The following INPP5A variants were observed in gnomAD, a reference collection of about 807,000 sequenced individuals.
The protein encoded by INPP5A is inositol polyphosphate-5-phosphatase A.
Under a neutral mutation model 65.2 loss-of-function variants are expected in INPP5A, and 14 were observed. That is an observed-to-expected ratio of 0.21 (90% confidence interval 0.14 to 0.34). INPP5A has a LOEUF of 0.34. Among genes scored for constraint, INPP5A ranks in the 10% least tolerant of loss-of-function variants. The pLI is 1.00. For missense variants in INPP5A, 431 were observed against 545.6 expected, an observed-to-expected ratio of 0.79 and a Z score of 2.09; for synonymous variants, 207 against 208.3, an observed-to-expected ratio of 0.99 and a Z score of 0.05.
chr10:132,571,409 G>A lies in INPP5A; in HGVS notation c.75+33238G>A, dbSNP rs995991021. 3.3e-5 allele frequency among the ~76,000 whole-genome samples: 5 copies of A among 152,350 alleles called. No homozygotes were observed. In the Middle Eastern group the frequency reaches 0.01, roughly 311 times the overall value. On this transcript the variant is annotated intron_variant, in intron 1 of 15. Transcript: ENST00000368594. Reference sequence around the variant, plus strand: ...CTGGGCCTTGTCCTCCCCAGCTGCGGGGAAGGGCTTCTTTCAGTTCCCTTT... The same window carrying A: ...CTGGGCCTTGTCCTCCCCAGCTGCGAGGAAGGGCTTCTTTCAGTTCCCTTT...
At chr10:132,781,784 G>A in intron 14 of INPP5A, 77 bp from the exon 15 acceptor site, 1 of 1,197,632 alleles carries the variant, frequency 8.3e-7, no homozygotes, top group Non-Finnish European at 1.2e-6. Flanking sequence ...GGGTCTGGGG[G>A]TGCAACGGGA....
chr10:132,703,989 A>C (rs1554948083), intron 6 of INPP5A, among the ~76,000 whole-genome samples: 1 of 95,640 alleles, frequency 1.0e-5, no homozygotes, highest in Non-Finnish European at 2.1e-5. Flanking sequence ...AGCTTCACCC[A>C]CACACACACG....
At chr10:132,552,299 G>A (rs1246554800) in intron 1 of INPP5A, among the ~76,000 whole-genome samples, 7 of 144,508 alleles carry the variant, frequency 4.8e-5, no homozygotes, top group Non-Finnish European at 7.6e-5. Flanking sequence ...ATTGGTGAAC[G>A]CCTTCTCAGA....
At chr10:132,763,941 T>C (rs2134670487) in intron 11 of INPP5A, among the ~76,000 whole-genome samples, 1 of 152,382 alleles carries the variant, frequency 6.6e-6, no homozygotes, top group East Asian at 1.9e-4. Context: ...ATGCCCCTAC[T>C]CTGCCTTTGA....
At chr10:132,769,763 CG>C (rs1661264097) in intron 12 of INPP5A, among the ~76,000 whole-genome samples, 1 of 152,058 alleles carries the variant, frequency 6.6e-6, no homozygotes, top group Admixed American at 6.5e-5. Flanking sequence ...TTGTGGTGTG[CG>C]CCTCAACAGC....
At position 132,547,730 on chromosome 10, in the gene INPP5A, C is replaced by T. The variant is rs1056361796; in HGVS notation, c.75+9559C>T. Among the ~76,000 whole-genome samples the T allele has an allele frequency of 2.0e-5, 3 of 152,090 alleles. No individual in the cohort carries two copies. The highest frequency in any genetic ancestry group is 2.9e-5 in the Non-Finnish European group (2 of 67,998). On this transcript the variant is annotated intron_variant, in intron 1 of 15. Transcript: ENST00000368594. This position sits in a 1 kb window ranked among gnomAD's most constrained non-coding sequence, Gnocchi z 5.5. ...GCCTCGCCTAGGCAAGCAGGGTTTT[C>T]CTCCTTCACGGGACAGCCCGCGTGC...
chr10:132,591,821 C>T (rs1007984623), intron 1 of INPP5A, among the ~76,000 whole-genome samples: 3 of 152,140 alleles, frequency 2.0e-5, no homozygotes, highest in Non-Finnish European at 1.5e-5. Context: ...TGTTCCCTTT[C>T]GGGTCTCATT....
chr10:132,781,308 C>T (rs899855031), intron 14 of INPP5A, among the ~76,000 whole-genome samples: 2 of 152,180 alleles, frequency 1.3e-5, no homozygotes, highest in South Asian at 2.1e-4. Flanking sequence ...GCCGAGGAGC[C>T]GGGGTGAGGG....
chr10:132,763,122 A>C (rs1209978877), intron 11 of INPP5A, among the ~76,000 whole-genome samples: 1 of 152,232 alleles, frequency 6.6e-6, no homozygotes, highest in African/African-American at 2.4e-5. Flanking sequence ...TGAAATCTCG[A>C]AACATGTTGT....
At chr10:132,597,703 G>A (rs1263438924) in intron 1 of INPP5A, among the ~76,000 whole-genome samples, 4 of 152,008 alleles carry the variant, frequency 2.6e-5, no homozygotes, top group Admixed American at 6.6e-5. Flanking sequence ...GTGCTGCAGC[G>A]CTGTGCTACG....
At chr10:132,540,053 CT>C (rs1350264918) in intron 1 of INPP5A, among the ~76,000 whole-genome samples, 2 of 152,208 alleles carry the variant, frequency 1.3e-5, no homozygotes, top group East Asian at 1.9e-4. Flanking sequence ...ATTTGGCGTT[CT>C]ATTCTAGGCT....
At chr10:132,773,582 G>A (rs1302963836) in intron 12 of INPP5A, among the ~76,000 whole-genome samples, 3 of 152,196 alleles carry the variant, frequency 2.0e-5, no homozygotes, top group East Asian at 3.8e-4. Flanking sequence ...TACTGCCTGC[G>A]AGCTGGGTGC....
At chr10:132,755,568 A>T (rs1590988113) in intron 11 of INPP5A, among the ~76,000 whole-genome samples, 2 of 133,100 alleles carry the variant, frequency 1.5e-5, no homozygotes, top group South Asian at 5.1e-4. Context: ...GCATGAGAGC[A>T]GGTGTGAGCG....
In INPP5A at chr10:132,753,333, C is replaced by A. The variant is rs779008671; in HGVS notation, c.903+3488C>A. 2.6e-5 allele frequency among the ~76,000 whole-genome samples: 4 copies of A among 152,206 alleles called. No homozygotes were observed. Among genetic ancestry groups the A allele is most frequent in the Non-Finnish European group, 5.9e-5 (4 of 68,028 alleles). ...CCGCAGCCATGGAGAGCAAACTCTC[C>A]GTCCGCAGGATGGATGTGCCTGCGC... On this transcript the variant is annotated intron_variant, in intron 11 of 15. Transcript: ENST00000368594. The surrounding 1 kb of genome is among the most constrained non-coding windows in gnomAD (Gnocchi z 5.3).
intron 4 of INPP5A, among the ~76,000 whole-genome samples, chr10:132,687,006 A>G (rs182220838): frequency 4.9e-4 from 75 of 152,314 alleles, no homozygotes; most frequent in African/African-American, 1.6e-3. Flanking sequence ...GTGCAGTGGC[A>G]TGATCTCAGC....
At chr10:132,539,178 C>T (rs1163411973) in intron 1 of INPP5A, among the ~76,000 whole-genome samples, 1 of 152,178 alleles carries the variant, frequency 6.6e-6, no homozygotes, top group Non-Finnish European at 1.5e-5. Context: ...TGGCCCCTGT[C>T]CTCTGAGCCT....
In INPP5A at chr10:132,595,787, A is replaced by G. The variant is rs114243148; in HGVS notation, c.76-12128A>G. The stretch of plus-strand genomic sequence containing the variant: ...TATTCTAATTGTAATTCTCTTATAA[A>G]TGATGCTATTATGAACTTCTTTGTT... On this transcript the variant is annotated intron_variant, in intron 1 of 15. Transcript: ENST00000368594. 2.8e-3 allele frequency among the ~76,000 whole-genome samples: 423 copies of G among 152,234 alleles called. 1 individual carries two copies. Among genetic ancestry groups the G allele is most frequent in the African/African-American group, 9.9e-3 (412 of 41,530 alleles).
chr10:132,617,027 G>A (rs958166151), intron 2 of INPP5A, among the ~76,000 whole-genome samples: 3 of 152,082 alleles, frequency 2.0e-5, no homozygotes, highest in Non-Finnish European at 2.9e-5. Flanking sequence ...TGCAGCTTCG[G>A]CATCATGTCC....
chr10:132,755,059 A>G (rs921296544), intron 11 of INPP5A, among the ~76,000 whole-genome samples: 3 of 150,772 alleles, frequency 2.0e-5, no homozygotes, highest in East Asian at 3.9e-4. Context: ...GTGTGTGATC[A>G]TATGCGTGTG....
Sources: allele counts gnomAD v4.1 joint callset (sites outside exome capture counted in the v4.1 genomes callset), GRCh38; gene constraint gnomAD v4.1.1; non-coding constraint Gnocchi (gnomAD v3.1); transcripts MANE v1.5; gene names NCBI Gene and HGNC (gene_info 2026-07-23, HGNC 2026-07-21).